SLC25A13: variants seen among roughly 807,000 people sequenced by gnomAD.
SLC25A13 encodes electrogenic aspartate/glutamate antiporter SLC25A13, mitochondrial.
Under a neutral mutation model 85.5 loss-of-function variants are expected in SLC25A13, and 70 were observed. The ratio of observed to expected loss-of-function variants is 0.82; its 90% confidence interval spans 0.68 to 1.00. SLC25A13 has a LOEUF of 1.00. SLC25A13 is among the 50% of genes least tolerant of loss of function. The pLI, the probability that SLC25A13 is intolerant of heterozygous loss-of-function variation, is 0.00. For synonymous variants in SLC25A13, 259 were observed against 288.7 expected (o/e 0.90, Z 1.04); for missense variants, 765 against 819.8 (o/e 0.93, Z 0.82).
At chr7:96,219,435 T>C (rs975014770) in intron 4 of SLC25A13, among the ~76,000 whole-genome samples, 1 of 152,182 alleles carries the variant, frequency 6.6e-6, no homozygotes, top group East Asian at 1.9e-4. Context: ...GGAACTAGCC[T>C]GAGTTAAGGT....
intron 14 of SLC25A13, among the ~76,000 whole-genome samples, chr7:96,133,296 C>A (rs1469816889): frequency 6.6e-6 from 1 of 152,190 alleles, no homozygotes; most frequent in East Asian, 1.9e-4. Context: ...TTGTCCACCC[C>A]CAAAGTGTTA....
At chr7:96,132,583 A>T (rs1489495834) in intron 14 of SLC25A13, among the ~76,000 whole-genome samples, 4 of 152,210 alleles carry the variant, frequency 2.6e-5, no homozygotes, top group African/African-American at 9.7e-5. Context: ...TGCCAACATA[A>T]TGCCATGCAG....
intron 11 of SLC25A13, among the ~76,000 whole-genome samples, chr7:96,179,756 T>C (rs941109458): frequency 2.6e-5 from 4 of 152,240 alleles, no homozygotes; most frequent in African/African-American, 7.2e-5. Flanking sequence ...TGGATGGACA[T>C]GAGTGCAGTT....
chr7:96,124,628 G>C (rs1464261384), intron 15 of SLC25A13, among the ~76,000 whole-genome samples: 1 of 152,152 alleles, frequency 6.6e-6, no homozygotes, highest in African/African-American at 2.4e-5. Context: ...TCAATCAGCT[G>C]TCTTTCAATC....
intron 2 of SLC25A13, among the ~76,000 whole-genome samples, chr7:96,294,502 G>A (rs1020223935): frequency 2.6e-5 from 4 of 151,678 alleles, no homozygotes; most frequent in Admixed American, 1.3e-4. Flanking sequence ...CCAGCTACTC[G>A]GGAGGCTGAG....
At chr7:96,145,059 T>A (rs1343121128) in intron 14 of SLC25A13, among the ~76,000 whole-genome samples, 1 of 152,176 alleles carries the variant, frequency 6.6e-6, no homozygotes. Context: ...GTGTTTATTT[T>A]TTACAGCTGG....
At chr7:96,181,542 A>G (rs557582511) in intron 11 of SLC25A13, among the ~76,000 whole-genome samples, 1 of 152,218 alleles carries the variant, frequency 6.6e-6, no homozygotes, top group African/African-American at 2.4e-5. Context: ...TAACCTCATA[A>G]TAAGATCGCA....
intron 3 of SLC25A13, among the ~76,000 whole-genome samples, chr7:96,267,695 T>A (rs565169660): frequency 6.6e-6 from 1 of 151,602 alleles, no homozygotes; most frequent in East Asian, 2.0e-4. Context: ...ATGCCTATAA[T>A]CGCAGCTACT....
chr7:96,271,809 T>TG (rs1376455349), intron 3 of SLC25A13, among the ~76,000 whole-genome samples: 2 of 152,090 alleles, frequency 1.3e-5, no homozygotes, highest in African/African-American at 4.8e-5. Context: ...TGTCTATTAA[T>TG]GGGAAGGGGG....
intron 3 of SLC25A13, among the ~76,000 whole-genome samples, chr7:96,273,722 T>C (rs755097126): frequency 6.6e-6 from 1 of 152,218 alleles, no homozygotes; most frequent in Non-Finnish European, 1.5e-5. Flanking sequence ...CTCTCAACTT[T>C]TTTGTGACTC....
chr7:96,152,128 T>C (rs1029641264), intron 13 of SLC25A13, among the ~76,000 whole-genome samples: 8 of 152,144 alleles, frequency 5.3e-5, no homozygotes, highest in African/African-American at 1.7e-4. Context: ...CCTTTTGCTC[T>C]AGATGGCATG....
At chr7:96,138,687 G>A (rs1792396537) in intron 14 of SLC25A13, among the ~76,000 whole-genome samples, 1 of 152,040 alleles carries the variant, frequency 6.6e-6, no homozygotes, top group Non-Finnish European at 1.5e-5. Context: ...CCTTAACATA[G>A]ATCATTTTTA....
chr7:96,318,627 G>C (rs1403872101), intron 1 of SLC25A13, among the ~76,000 whole-genome samples: 1 of 152,136 alleles, frequency 6.6e-6, no homozygotes, highest in African/African-American at 2.4e-5. Context: ...ATAAAAAGCA[G>C]CCAAAGACTA....
intron 4 of SLC25A13, among the ~76,000 whole-genome samples, chr7:96,226,370 T>C (rs1261588984): frequency 6.6e-6 from 1 of 152,202 alleles, no homozygotes; most frequent in Non-Finnish European, 1.5e-5. Flanking sequence ...ATATTCTATG[T>C]ATATAAATTT....
rs1450621307 is a variant in SLC25A13, at chr7:96,121,286, C to T, written c.1933G>A (p.Ala645Thr). 2.5e-6 allele frequency: 4 copies of T among 1,614,164 alleles called. No homozygotes were observed. Residue 645 changes from alanine (A) to threonine (T), a missense_variant, in exon 18 of 18, where the codon GCT (alanine) becomes ACT (threonine). By Grantham distance (58) the Ala-to-Thr change is moderately conservative (BLOSUM62 0). Coordinates refer to ENST00000265631, the MANE Select transcript of SLC25A13 (RefSeq NM_014251.3). The stretch of plus-strand genomic sequence containing the variant: ...TTGTTTTCAATCCCTGCAAATGTAG[C>T]AACTGCCAGTTTGTAGCCCCCAACG... ...DHVGGYKLAV[A>T]TFAGIENKFG...
chr7:96,189,448 A>G, intron 8 of SLC25A13, 70 bp from the exon 9 acceptor site: 2 of 1,566,230 alleles, frequency 1.3e-6, no homozygotes, highest in Non-Finnish European at 1.8e-6. Flanking sequence ...AAAATTTAAA[A>G]ACATCCCTTT....
intron 11 of SLC25A13, among the ~76,000 whole-genome samples, chr7:96,176,631 G>A (rs1333597183): frequency 1.3e-5 from 2 of 152,156 alleles, no homozygotes; most frequent in Admixed American, 6.5e-5. Flanking sequence ...GAAGGTGTGG[G>A]GACCAAGCCC....
At chr7:96,208,553 C>G (rs138719199) in intron 5 of SLC25A13, among the ~76,000 whole-genome samples, 1 of 150,886 alleles carries the variant, frequency 6.6e-6, no homozygotes, top group Non-Finnish European at 1.5e-5. Context: ...TCACCCAGGC[C>G]GGACTGCAGT....
At chr7:96,286,773 T>C (rs1413541245) in intron 2 of SLC25A13, among the ~76,000 whole-genome samples, 1 of 152,170 alleles carries the variant, frequency 6.6e-6, no homozygotes. Context: ...TGATTCTAAA[T>C]TCTCAAACAA....
Sources: allele counts gnomAD v4.1 joint callset (sites outside exome capture counted in the v4.1 genomes callset), GRCh38; gene constraint gnomAD v4.1.1; transcripts MANE v1.5; gene names NCBI Gene and HGNC (gene_info 2026-07-23, HGNC 2026-07-21).